The following B3GALT1 variants were observed in gnomAD, a reference collection of about 807,000 sequenced individuals.
The protein encoded by B3GALT1 is beta-1,3-galactosyltransferase 1.
Under a neutral mutation model 23.2 loss-of-function variants are expected in B3GALT1, and 10 were observed. That is an observed-to-expected ratio of 0.43 (90% confidence interval 0.27 to 0.73). The LOEUF (loss-of-function observed/expected upper bound fraction) is 0.73, where lower values mean the gene tolerates loss of function less well. Ranked by LOEUF, B3GALT1 falls within the 30% of genes least tolerant of loss-of-function variation. The pLI is 0.21. For missense variants in B3GALT1, 299 were observed against 405.4 expected (o/e 0.74, Z 2.25); for synonymous variants, 156 against 141.5 (o/e 1.10, Z -0.73).
At chr2:167,308,680 G>A (rs1696587341) in intron 1 of B3GALT1, among the ~76,000 whole-genome samples, 1 of 151,822 alleles carries the variant, frequency 6.6e-6, no homozygotes, top group African/African-American at 2.4e-5. Flanking sequence ...TTTTTTAAAA[G>A]GCTCATTTCC....
At chr2:167,790,331 G>A (rs1688412931) in intron 3 of B3GALT1, among the ~76,000 whole-genome samples, 1 of 152,190 alleles carries the variant, frequency 6.6e-6, no homozygotes, top group Non-Finnish European at 1.5e-5. Flanking sequence ...TAGGAATTCA[G>A]GGTGGGCTTT....
chr2:167,412,710 G>A lies in B3GALT1; in HGVS notation c.-510-77467G>A, dbSNP rs147810860. 1.6e-4 allele frequency among the ~76,000 whole-genome samples: 25 copies of A among 152,122 alleles called. No individual in the cohort carries two copies. The East Asian group carries it at 2.3e-3, about 14-fold the overall frequency. On this transcript the variant is annotated intron_variant, in intron 1 of 4. Transcript: ENST00000392690. ...TAAAGTTGAACATATTGTATATTCC[G>A]TATGACCCAGAAATTACACACCTAT... is the stretch of plus-strand genomic sequence containing the variant.
chr2:167,345,794 C>CA (rs1488617812), intron 1 of B3GALT1, among the ~76,000 whole-genome samples: 2 of 152,138 alleles, frequency 1.3e-5, no homozygotes, highest in African/African-American at 4.8e-5. Context: ...TCTAGGACAA[C>CA]AGAGGAAGAG....
chr2:167,621,678 G>A (rs1317961683), intron 2 of B3GALT1, among the ~76,000 whole-genome samples: 3 of 152,180 alleles, frequency 2.0e-5, no homozygotes, highest in Non-Finnish European at 4.4e-5. Flanking sequence ...GACCCAGTGG[G>A]AGGTAATTGA....
chr2:167,847,850 A>C (rs1351873307), intron 4 of B3GALT1, among the ~76,000 whole-genome samples: 1 of 152,220 alleles, frequency 6.6e-6, no homozygotes, highest in Non-Finnish European at 1.5e-5. Context: ...TAACAAGATT[A>C]ACCAAGAAAA....
intron 1 of B3GALT1, among the ~76,000 whole-genome samples, chr2:167,306,931 T>C (rs1696560878): frequency 6.6e-6 from 1 of 152,072 alleles, no homozygotes; most frequent in African/African-American, 2.4e-5. Context: ...TCTCTTATAA[T>C]TGGTATTCTC....
At chr2:167,643,691 A>G (rs1685693970) in intron 2 of B3GALT1, among the ~76,000 whole-genome samples, 1 of 152,224 alleles carries the variant, frequency 6.6e-6, no homozygotes, top group Admixed American at 6.5e-5. Flanking sequence ...GAATTAACAC[A>G]TTCTTCCTAA....
At chr2:167,605,418 G>A (rs1447904145) in intron 2 of B3GALT1, among the ~76,000 whole-genome samples, 1 of 152,188 alleles carries the variant, frequency 6.6e-6, no homozygotes, top group Non-Finnish European at 1.5e-5. Flanking sequence ...CTGGCTTGGA[G>A]TGCCCATGGT....
intron 3 of B3GALT1, among the ~76,000 whole-genome samples, chr2:167,737,867 T>C (rs1328943290): frequency 6.6e-6 from 1 of 152,214 alleles, no homozygotes; most frequent in East Asian, 1.9e-4. Flanking sequence ...GTGGAGTTTC[T>C]AGCATAGGCC....
At chr2:167,355,676 C>T (rs568368600) in intron 1 of B3GALT1, among the ~76,000 whole-genome samples, 2 of 152,026 alleles carry the variant, frequency 1.3e-5, no homozygotes, top group South Asian at 4.2e-4. Context: ...TTTTTATATT[C>T]CTGAAATTCA....
intron 3 of B3GALT1, among the ~76,000 whole-genome samples, chr2:167,668,785 C>A (rs2105481049): frequency 6.6e-6 from 1 of 152,354 alleles, no homozygotes; most frequent in East Asian, 1.9e-4. Flanking sequence ...CCGAGTGAGG[C>A]AATGCCTCGC....
chr2:167,663,016 A>G lies in B3GALT1; in HGVS notation c.-352+16050A>G, dbSNP rs559115018. Among the ~76,000 whole-genome samples the G allele has an allele frequency of 1.1e-4, 16 of 151,952 alleles. No homozygotes were observed. The South Asian group carries it at 3.1e-3, about 30-fold the overall frequency. On this transcript the variant is annotated intron_variant, in intron 3 of 4. Transcript: ENST00000392690. ...GGTACATGTGCACAATGTGCAGGTT[A>G]GTTACATATGTATACATGTGTCATG...
intron 1 of B3GALT1, among the ~76,000 whole-genome samples, chr2:167,330,336 G>A (rs1696953762): frequency 6.6e-6 from 1 of 152,132 alleles, no homozygotes; most frequent in African/African-American, 2.4e-5. Context: ...GCCAGGCACA[G>A]TGACTCACAC....
At chr2:167,605,546 A>G (rs1477238791) in intron 2 of B3GALT1, among the ~76,000 whole-genome samples, 1 of 152,158 alleles carries the variant, frequency 6.6e-6, no homozygotes, top group Non-Finnish European at 1.5e-5. Flanking sequence ...TGGGTTTCAC[A>G]TGGCTTGATG....
intron 3 of B3GALT1, among the ~76,000 whole-genome samples, chr2:167,648,424 A>T (rs1292769916): frequency 1.3e-5 from 2 of 152,002 alleles, no homozygotes; most frequent in African/African-American, 4.8e-5. Context: ...TGTCCATCTC[A>T]TTATGCTCCT....
At chr2:167,573,138 A>G (rs1684324747) in intron 2 of B3GALT1, among the ~76,000 whole-genome samples, 1 of 151,728 alleles carries the variant, frequency 6.6e-6, no homozygotes. Context: ...ATGAGGTGAG[A>G]TGAGGAGTGT....
chr2:167,518,639 C>T (rs79244937), intron 2 of B3GALT1, among the ~76,000 whole-genome samples: 325 of 152,178 alleles, frequency 2.1e-3, no homozygotes, highest in Middle Eastern at 0.01. Context: ...GAAAGATGGG[C>T]GTCTATTCAG....
intron 1 of B3GALT1, among the ~76,000 whole-genome samples, chr2:167,332,742 GCCACATAGACAGCC>G (rs1484197782): frequency 6.6e-6 from 1 of 152,140 alleles, no homozygotes; most frequent in South Asian, 2.1e-4. Context: ...GCAGATTTTT[GCCACATAGACAGCC>G]CCACTAACAG....
At position 167,625,691 on chromosome 2, in the gene B3GALT1, A is replaced by G. The variant is rs979123150; in HGVS notation, c.-409-21218A>G. Among the ~76,000 whole-genome samples the G allele has an allele frequency of 4.6e-5, 7 of 151,608 alleles. 1 individual carries two copies. The East Asian group carries it at 7.8e-4, about 17-fold the overall frequency. On this transcript the variant is annotated intron_variant, in intron 2 of 4. Coordinates refer to ENST00000392690, the MANE Select transcript of B3GALT1 (RefSeq NM_020981.4). ...CGTATGGCATGATTCGTTGCAAACTATACTTTCTCTGCAATTTACTTGTAA... is the reference window on the plus strand; with the variant it reads ...CGTATGGCATGATTCGTTGCAAACTGTACTTTCTCTGCAATTTACTTGTAA...
Sources: gnomAD v4.1 joint callset for allele counts (sites outside exome capture counted in the v4.1 genomes callset) on GRCh38, gnomAD v4.1.1 for gene constraint, MANE v1.5 for transcripts, NCBI Gene and HGNC (gene_info 2026-07-23, HGNC 2026-07-21) for gene names.